Variants in CNTN5 observed in about 807,000 individuals in gnomAD.
CNTN5 encodes the protein contactin 5.
In CNTN5, 77 loss-of-function variants were observed where a neutral mutation model predicts 129.1. The ratio of observed to expected loss-of-function variants is 0.60; its 90% CI spans 0.50 to 0.72. CNTN5 has a LOEUF of 0.72. Among genes scored for constraint, CNTN5 ranks in the 30% least tolerant of loss-of-function variants. The probability of loss-of-function intolerance (pLI) is 0.00; values close to 1 mark genes in which losing one functional copy is unlikely to be tolerated. For missense variants in CNTN5, 1,478 were observed against 1,328.8 expected, an observed-to-expected ratio of 1.11 and a Z score of -1.75; for synonymous variants, 509 against 465.6, an observed-to-expected ratio of 1.09 and a Z score of -1.20.
intron 2 of CNTN5, among the ~76,000 whole-genome samples, chr11:99,543,246 C>A (rs894374653): frequency 6.6e-6 from 1 of 152,142 alleles, no homozygotes; most frequent in Non-Finnish European, 1.5e-5. Flanking sequence ...GTGATTTCTG[C>A]AAATGAACAA....
At chr11:99,794,215 C>G (rs1443855887) in intron 3 of CNTN5, among the ~76,000 whole-genome samples, 1 of 150,788 alleles carries the variant, frequency 6.6e-6, no homozygotes, top group African/African-American at 2.4e-5. Context: ...AGGCTTACAG[C>G]CTTTTTTGTC....
intron 2 of CNTN5, among the ~76,000 whole-genome samples, chr11:99,481,512 T>A (rs944105687): frequency 4.6e-5 from 7 of 152,198 alleles, no homozygotes; most frequent in Non-Finnish European, 8.8e-5. Context: ...ATGAATATAT[T>A]TGCTGATTAT....
intron 2 of CNTN5, among the ~76,000 whole-genome samples, chr11:99,379,946 T>C (rs551087281): frequency 9.2e-5 from 14 of 152,226 alleles, no homozygotes; most frequent in African/African-American, 3.4e-4. Context: ...TATACACTTA[T>C]GTGCCATATA....
At chr11:99,999,377 A>G (rs1013696044) in intron 8 of CNTN5, among the ~76,000 whole-genome samples, 16 of 152,262 alleles carry the variant, frequency 1.1e-4, no homozygotes, top group African/African-American at 3.6e-4. Flanking sequence ...AAAAGAAGAC[A>G]TTTATGCAGC....
In CNTN5 at chr11:100,075,801, G is replaced by A. The variant is rs1486037207; in HGVS notation, c.1580+1507G>A. Among the ~76,000 whole-genome samples, 4 of 152,088 alleles carry A rather than the reference G, an allele frequency of 2.6e-5. No homozygotes were observed. In the South Asian group the frequency reaches 8.3e-4, roughly 31 times the overall value. Reference sequence around the variant, plus strand: ...TTTCTATGATCTGCCTTGGGGGAGAGAATTCTGGTTTCTATCATTCTCTTC... The same window carrying A: ...TTTCTATGATCTGCCTTGGGGGAGAAAATTCTGGTTTCTATCATTCTCTTC... On this transcript the variant is annotated intron_variant, in intron 13 of 24. Transcript: ENST00000524871.
At chr11:99,957,799 C>G (rs1174040938) in intron 8 of CNTN5, among the ~76,000 whole-genome samples, 14 of 151,850 alleles carry the variant, frequency 9.2e-5, no homozygotes, top group Non-Finnish European at 1.5e-5. Flanking sequence ...GAATGTATGA[C>G]CAGAGCTATA....
At chr11:99,478,993 T>G (rs1363202299) in intron 2 of CNTN5, among the ~76,000 whole-genome samples, 1 of 152,146 alleles carries the variant, frequency 6.6e-6, no homozygotes, top group Non-Finnish European at 1.5e-5. Context: ...AAACACTAAA[T>G]TGTTTGAATG....
intron 2 of CNTN5, among the ~76,000 whole-genome samples, chr11:99,386,757 A>C (rs1205880694): frequency 3.9e-5 from 6 of 152,184 alleles, no homozygotes; most frequent in African/African-American, 1.2e-4. Flanking sequence ...ACACTTCAGT[A>C]GTGTGGAAAA....
At chr11:100,126,496 T>G (rs1946187437) in intron 13 of CNTN5, among the ~76,000 whole-genome samples, 1 of 151,956 alleles carries the variant, frequency 6.6e-6, no homozygotes, top group South Asian at 2.1e-4. Context: ...TAGCTAACTC[T>G]TCTTGTTGAA....
chr11:99,941,052 T>C lies in CNTN5; in HGVS notation c.674-15754T>C, dbSNP rs891792026. Among the ~76,000 whole-genome samples, 9 of 152,154 alleles carry C rather than the reference T, an allele frequency of 5.9e-5. 1 individual carries two copies. Among genetic ancestry groups the C allele is most frequent in the African/African-American group, 2.2e-4 (9 of 41,450 alleles). On this transcript the variant is annotated intron_variant, in intron 7 of 24. Transcript: ENST00000524871. Reference sequence around the variant, plus strand: ...ATGTGCTTACAGGTCTTCCAGTTCATTTAAAAATTTTATACGTTTCATTAA... The same window carrying C: ...ATGTGCTTACAGGTCTTCCAGTTCACTTAAAAATTTTATACGTTTCATTAA...
intron 20 of CNTN5, among the ~76,000 whole-genome samples, chr11:100,302,576 A>ATCTGGTATCTGGTATCT (rs1951247892): frequency 6.6e-6 from 1 of 151,556 alleles, no homozygotes; most frequent in Non-Finnish European, 1.5e-5. Context: ...ACATGCCTTA[A>ATCTGGTATCTGGTATCT]GCACTGTGAA....
chr11:99,612,909 G>A (rs980283905), intron 3 of CNTN5, among the ~76,000 whole-genome samples: 5 of 152,256 alleles, frequency 3.3e-5, no homozygotes, highest in Admixed American at 6.5e-5. Flanking sequence ...AAAGAGGAGC[G>A]GGCAAGGAAC....
chr11:99,546,831 A>T (rs1212063704), intron 2 of CNTN5, among the ~76,000 whole-genome samples: 1 of 152,044 alleles, frequency 6.6e-6, no homozygotes, highest in Admixed American at 6.6e-5. Flanking sequence ...TTGGACACGC[A>T]AAGCCCATTC....
chr11:99,357,539 G>A (rs1417190615), intron 2 of CNTN5, among the ~76,000 whole-genome samples: 1 of 142,450 alleles, frequency 7.0e-6, no homozygotes, highest in African/African-American at 2.7e-5. Flanking sequence ...AACTAACACA[G>A]CATTGATAAT....
intron 15 of CNTN5, among the ~76,000 whole-genome samples, chr11:100,213,896 A>AT (rs1424680132): frequency 2.6e-5 from 4 of 152,200 alleles, no homozygotes; most frequent in Non-Finnish European, 5.9e-5. Flanking sequence ...GCAGTCAGGT[A>AT]TTTTTTCATT....
At chr11:99,903,932 C>A (rs1949425110) in intron 6 of CNTN5, among the ~76,000 whole-genome samples, 1 of 152,060 alleles carries the variant, frequency 6.6e-6, no homozygotes, top group East Asian at 1.9e-4. Context: ...TCATAATCAT[C>A]AGGGAAATTC....
At chr11:99,673,067 A>G (rs1390059649) in intron 3 of CNTN5, among the ~76,000 whole-genome samples, 1 of 152,074 alleles carries the variant, frequency 6.6e-6, no homozygotes, top group Non-Finnish European at 1.5e-5. Context: ...CCCTGAATAT[A>G]GAATGTGACA....
chr11:99,753,702 T>G (rs1401217306), intron 3 of CNTN5, among the ~76,000 whole-genome samples: 1 of 149,058 alleles, frequency 6.7e-6, no homozygotes, highest in Non-Finnish European at 1.5e-5. Flanking sequence ...TTTTTTTTTT[T>G]TTTTGAGACA....
At chr11:99,688,493 C>T (rs958889959) in intron 3 of CNTN5, among the ~76,000 whole-genome samples, 5 of 152,152 alleles carry the variant, frequency 3.3e-5, no homozygotes, top group Admixed American at 6.6e-5. Flanking sequence ...TGTAATCCTC[C>T]TTTCAAGGAG....
Sources: gnomAD v4.1 joint callset for allele counts (sites outside exome capture counted in the v4.1 genomes callset) on GRCh38, gnomAD v4.1.1 for gene constraint, MANE v1.5 for transcripts, NCBI Gene and HGNC (gene_info 2026-07-23, HGNC 2026-07-21) for gene names.